The following PPM1L variants were observed in gnomAD, a reference collection of about 807,000 sequenced individuals.
PPM1L encodes protein phosphatase 1L.
A neutral mutation model predicts 31.4 loss-of-function variants in PPM1L; 13 were observed. That is an observed-to-expected ratio of 0.41 (90% CI 0.27 to 0.66). The LOEUF is 0.66. Among genes scored for constraint, PPM1L ranks in the 30% least tolerant of loss-of-function variants. PPM1L has a pLI of 0.29. For synonymous variants in PPM1L, 184 were observed against 175.4 expected (o/e 1.05, Z -0.39); for missense variants, 326 against 453.7 (o/e 0.72, Z 2.56).
chr3:160,761,952 T>C (rs75358898), intron 1 of PPM1L, among the ~76,000 whole-genome samples: 2,513 of 152,308 alleles, frequency 0.016, 62 homozygotes, highest in African/African-American at 0.057. Flanking sequence ...TACCTCTCAC[T>C]GGGTCCCTCC....
At chr3:160,995,990 A>G (rs576669075) in intron 2 of PPM1L, among the ~76,000 whole-genome samples, 1 of 152,356 alleles carries the variant, frequency 6.6e-6, no homozygotes, top group Non-Finnish European at 1.5e-5. Context: ...ACATGAATAG[A>G]CAATTCTCAA....
At chr3:160,767,237 CT>C (rs534238505) in intron 1 of PPM1L, among the ~76,000 whole-genome samples, 642 of 142,770 alleles carry the variant, frequency 4.5e-3, no homozygotes, top group Middle Eastern at 0.015. Context: ...GTCTTAGTTT[CT>C]TTTTTTTTTT....
chr3:160,925,744 A>C (rs1194692812), intron 1 of PPM1L, among the ~76,000 whole-genome samples: 3 of 152,162 alleles, frequency 2.0e-5, no homozygotes, highest in Non-Finnish European at 4.4e-5. Flanking sequence ...TAAGTAAGAC[A>C]GATATTTTGG....
intron 1 of PPM1L, among the ~76,000 whole-genome samples, chr3:160,923,755 C>T (rs1402480547): frequency 6.6e-6 from 1 of 152,112 alleles, no homozygotes; most frequent in Non-Finnish European, 1.5e-5. Flanking sequence ...ATTTGATATG[C>T]CCCAAGAATG....
chr3:160,809,733 A>G (rs887305150), intron 1 of PPM1L, among the ~76,000 whole-genome samples: 4 of 152,084 alleles, frequency 2.6e-5, no homozygotes, highest in Admixed American at 2.6e-4. Context: ...TTGAGCTTAG[A>G]GCCCTGCTGC....
At chr3:160,954,908 C>CTTCCTTCCTTCT (rs1715697551) in intron 1 of PPM1L, among the ~76,000 whole-genome samples, 1 of 124,222 alleles carries the variant, frequency 8.1e-6, no homozygotes, top group Non-Finnish European at 1.7e-5. Context: ...TCCTTCCTTC[C>CTTCCTTCCTTCT]TTCCTTCCTT....
chr3:160,814,518 T>TAC (rs1330029237), intron 1 of PPM1L, among the ~76,000 whole-genome samples: 1 of 78,562 alleles, frequency 1.3e-5, no homozygotes, highest in Non-Finnish European at 2.5e-5. Context: ...TGTATATATA[T>TAC]ACACACACAT....
intron 2 of PPM1L, among the ~76,000 whole-genome samples, chr3:161,047,761 A>G (rs929239985): frequency 2.0e-5 from 3 of 152,230 alleles, no homozygotes; most frequent in Non-Finnish European, 4.4e-5. Context: ...GTAACAGAAC[A>G]GAGCCCTCAG....
intron 1 of PPM1L, among the ~76,000 whole-genome samples, chr3:160,775,753 G>T (rs1320382600): frequency 1.3e-5 from 2 of 152,200 alleles, no homozygotes; most frequent in African/African-American, 4.8e-5. Context: ...AGACGTGCCT[G>T]AGTTTTCAAA....
chr3:160,934,409 C>T (rs1048847304), intron 1 of PPM1L, among the ~76,000 whole-genome samples: 1 of 152,082 alleles, frequency 6.6e-6, no homozygotes, highest in African/African-American at 2.4e-5. Flanking sequence ...TTTTCTCTTC[C>T]CTTCTTTCCA....
chr3:160,932,481 G>A (rs1269120417), intron 1 of PPM1L, among the ~76,000 whole-genome samples: 1 of 152,176 alleles, frequency 6.6e-6, no homozygotes, highest in East Asian at 1.9e-4. Flanking sequence ...TGAGGGTGGT[G>A]ATAATACCTG....
At chr3:160,921,615 C>T (rs1477852561) in intron 1 of PPM1L, among the ~76,000 whole-genome samples, 1 of 152,056 alleles carries the variant, frequency 6.6e-6, no homozygotes, top group Non-Finnish European at 1.5e-5. Context: ...TTTAAAATGT[C>T]ACTGGATAGT....
intron 1 of PPM1L, among the ~76,000 whole-genome samples, chr3:160,897,459 A>G (rs1053663568): frequency 8.5e-5 from 13 of 152,156 alleles, no homozygotes; most frequent in Admixed American, 3.9e-4. Flanking sequence ...CTGTACCTCT[A>G]TAGTGGAAGT....
chr3:160,787,648 G>C (rs1352906853), intron 1 of PPM1L, among the ~76,000 whole-genome samples: 1 of 152,102 alleles, frequency 6.6e-6, no homozygotes, highest in Non-Finnish European at 1.5e-5. Flanking sequence ...ATTGCTTTTG[G>C]AGTCTTTATC....
chr3:160,835,691 A>G (rs1180314767), intron 1 of PPM1L, among the ~76,000 whole-genome samples: 1 of 151,934 alleles, frequency 6.6e-6, no homozygotes, highest in Non-Finnish European at 1.5e-5. Context: ...TTTTTATTGT[A>G]TTGACCATGT....
chr3:160,873,582 C>G (rs1193976288), intron 1 of PPM1L, among the ~76,000 whole-genome samples: 1 of 151,996 alleles, frequency 6.6e-6, no homozygotes, highest in Non-Finnish European at 1.5e-5. Flanking sequence ...GATTCTCACT[C>G]TATCGCCCAG....
Position 160,756,599 on chromosome 3 carries a change from C to G in PPM1L, c.291C>G (p.Ser97=). The G allele has an allele frequency of 6.2e-7, 1 of 1,614,144 alleles. No individual in the cohort carries two copies. The highest frequency in any genetic ancestry group is 8.5e-7 in the Non-Finnish European group (1 of 1,180,022). The change falls in exon 1 of 4, where the codon TCC becomes TCG. Residue 97 remains serine (S), a synonymous_variant. Transcript: ENST00000498165. This position sits in a 1 kb window ranked among gnomAD's most constrained non-coding sequence, Gnocchi z 6.2. ...EFKNHNVAVY[S]IQGRRDHMED... ...AGAACCACAACGTGGCGGTGTACTC[C>G]ATCCAGGGCCGGAGAGACCACATGG...
chr3:161,042,048 A>G (rs1024458232), intron 2 of PPM1L, among the ~76,000 whole-genome samples: 11 of 152,150 alleles, frequency 7.2e-5, no homozygotes, highest in African/African-American at 2.4e-4. Context: ...TCATACATGC[A>G]CGCAATACAA....
At position 160,916,012 on chromosome 3, in the gene PPM1L, G is replaced by T. The variant is rs1161713117; in HGVS notation, c.400-45724G>T. ...ACATAGGCATGGGCAAAGACTTCATGTCTAAAACACCAAAAGCAATGGCAA... is the reference window on the plus strand; with the variant it reads ...ACATAGGCATGGGCAAAGACTTCATTTCTAAAACACCAAAAGCAATGGCAA... On this transcript the variant is annotated intron_variant, in intron 1 of 3. Coordinates refer to ENST00000498165, the MANE Select transcript of PPM1L (RefSeq NM_139245.4). Among the ~76,000 whole-genome samples the T allele has an allele frequency of 2.0e-5, 3 of 152,182 alleles. No homozygotes were observed. The East Asian group carries it at 5.8e-4, about 29-fold the overall frequency.
Sources: allele counts gnomAD v4.1 joint callset (sites outside exome capture counted in the v4.1 genomes callset), GRCh38; gene constraint gnomAD v4.1.1; non-coding constraint Gnocchi (gnomAD v3.1); transcripts MANE v1.5; gene names NCBI Gene and HGNC (gene_info 2026-07-23, HGNC 2026-07-21).